TBCE: variants seen among roughly 807,000 people sequenced by gnomAD.
TBCE encodes tubulin folding cofactor E, also known as tubulin-specific chaperone E.
TBCE carries 53 observed loss-of-function variants against 77.0 expected under a neutral mutation model. That is an observed-to-expected ratio of 0.69 (90% CI 0.55 to 0.87). TBCE has a LOEUF of 0.87. TBCE is among the 40% of genes least tolerant of loss of function. TBCE has a pLI of 0.00. For missense variants in TBCE, 624 were observed against 622.4 expected (o/e 1.00, Z -0.03); for synonymous variants, 235 against 241.3 (o/e 0.97, Z 0.24).
intron 3 of TBCE, among the ~76,000 whole-genome samples, chr1:235,411,861 T>TG (rs1409486998): frequency 5.3e-5 from 8 of 151,996 alleles, no homozygotes; most frequent in Non-Finnish European, 1.0e-4. Context: ...CTTTGACCCC[T>TG]GTGCCCCTTC....
intron 8 of TBCE, 39 bp from the exon 9 acceptor site, chr1:235,435,706 A>C: frequency 1.9e-6 from 3 of 1,549,810 alleles, no homozygotes; most frequent in Non-Finnish European, 2.7e-6. Context: ...AACAATTAAG[A>C]GATAAATTCA....
intron 13 of TBCE, among the ~76,000 whole-genome samples, chr1:235,439,805 C>CT (rs886839704): frequency 2.7e-5 from 4 of 150,320 alleles, no homozygotes; most frequent in African/African-American, 4.9e-5. Context: ...ATTTCTTTTT[C>CT]TTTTTTTTTC....
At chr1:235,416,452 G>C (rs943030887) in intron 4 of TBCE, among the ~76,000 whole-genome samples, 1 of 151,872 alleles carries the variant, frequency 6.6e-6, no homozygotes, top group African/African-American at 2.4e-5. Flanking sequence ...CCTGAACCCA[G>C]AAGGTCAAGG....
At chr1:235,395,247 T>C (rs1052970782) in intron 2 of TBCE, among the ~76,000 whole-genome samples, 7 of 152,236 alleles carry the variant, frequency 4.6e-5, no homozygotes, top group African/African-American at 1.7e-4. Context: ...ATAGTAGGTG[T>C]ATATATTTAT....
Position 235,413,335 on chromosome 1 carries a change from G to A in TBCE, c.186-1098G>A, listed in dbSNP as rs183425352. ...ATGGTTGTGTCACTGCACTCTCACC[G>A]AGGTGACAGAGTGAGACCCCCTTTC... On this transcript the variant is annotated intron_variant, in intron 3 of 16. Coordinates refer to ENST00000642610, the MANE Select transcript of TBCE (RefSeq NM_003193.5). Among the ~76,000 whole-genome samples the A allele has an allele frequency of 3.5e-3, 534 of 150,880 alleles. 4 individuals carry two copies. Among genetic ancestry groups the A allele is most frequent in the African/African-American group, 0.012 (512 of 40,984 alleles).
rs1558383372 is a variant in TBCE at position 235,428,987 on chromosome 1, T to TATATA, written c.561-1718_561-1717insATATA. On this transcript the variant is annotated intron_variant, in intron 6 of 16. Transcript: ENST00000642610. ...TATGTGTGTATATATATATATATAT[T>TATATA]TTTTTTTTTTTTTTTTTTGAGACAG... 3.3e-3 allele frequency: 257 copies of TATATA among 78,058 alleles called. 1 individual carries two copies. Among genetic ancestry groups the TATATA allele is most frequent in the African/African-American group, 0.017 (249 of 14,992 alleles). The allele number at this position is 78,058 out of a possible 1,614,324, so 4.8% of individuals were successfully genotyped here.
intron 7 of TBCE, among the ~76,000 whole-genome samples, chr1:235,431,150 G>GT (rs1283829722): frequency 1.3e-5 from 2 of 152,008 alleles, no homozygotes; most frequent in Admixed American, 6.6e-5. Context: ...TTTCCTGTTA[G>GT]TTTTTTTTAG....
In TBCE at chr1:235,367,455, A is replaced by G. The variant is rs903582184; in HGVS notation, c.-81A>G. 6.5e-6 allele frequency: 1 copy of G among 152,820 alleles called. No homozygotes were observed. The highest frequency in any genetic ancestry group is 1.5e-5 in the Non-Finnish European group (1 of 68,188). The allele number at this position is 152,820 out of a possible 1,614,324, so 9.5% of individuals were successfully genotyped here. On this transcript the variant is annotated 5_prime_UTR_variant, in exon 1 of 17. Transcript: ENST00000642610. ...AGAGCCTCAAGCTTCGCTGCTGGGC[A>G]GTTGGCTGGAGGGGCTGCTGCTGGG... is the stretch of plus-strand genomic sequence containing the variant.
intron 4 of TBCE, among the ~76,000 whole-genome samples, chr1:235,417,313 A>G (rs1474241714): frequency 2.6e-5 from 4 of 152,160 alleles, no homozygotes; most frequent in African/African-American, 9.7e-5. Flanking sequence ...TGCAAACTAC[A>G]GTTTGAAGTA....
chr1:235,389,559 C>T (rs566499386), intron 2 of TBCE, among the ~76,000 whole-genome samples: 4 of 152,206 alleles, frequency 2.6e-5, no homozygotes, highest in Non-Finnish European at 5.9e-5. Flanking sequence ...TCTCAAACAC[C>T]TGACCTCATA....
At chr1:235,436,357 G>C in intron 9 of TBCE, 29 bp from the exon 10 acceptor site, 1 of 1,599,678 alleles carries the variant, frequency 6.3e-7, no homozygotes, top group Non-Finnish European at 8.6e-7. Context: ...ATTGTTCTGT[G>C]TAATCAAATT....
At chr1:235,419,361 T>C in intron 4 of TBCE, 112 bp from the exon 5 acceptor site, 1 of 1,469,198 alleles carries the variant, frequency 6.8e-7, no homozygotes, top group Non-Finnish European at 9.4e-7. Context: ...TACTGGTATT[T>C]GTATATTATT....
In TBCE at chr1:235,448,329, CTTT is replaced by C; in HGVS notation, c.1400-18_1400-16del. The stretch of plus-strand genomic sequence containing the variant: ...ACTGTCATTTGAGAGAACGAATGGA[CTTT>C]TCTTGTCTTTTGATAGGCTCCATGA... On this transcript the variant is annotated splice_polypyrimidine_tract_variant and intron_variant, in intron 15 of 16. Coordinates refer to ENST00000642610, the MANE Select transcript of TBCE (RefSeq NM_003193.5). 6.2e-7 allele frequency: 1 copy of C among 1,608,966 alleles called. No individual in the cohort carries two copies. The highest frequency in any genetic ancestry group is 8.5e-7 in the Non-Finnish European group (1 of 1,176,226).
At chr1:235,388,639 G>A (rs1678183204) in intron 2 of TBCE, among the ~76,000 whole-genome samples, 1 of 152,128 alleles carries the variant, frequency 6.6e-6, no homozygotes, top group Non-Finnish European at 1.5e-5. Context: ...CTTGACATAT[G>A]TTGCCAAATT....
At chr1:235,378,788 C>A (rs1677447301) in intron 1 of TBCE, among the ~76,000 whole-genome samples, 3 of 152,012 alleles carry the variant, frequency 2.0e-5, no homozygotes, top group South Asian at 2.1e-4. Flanking sequence ...TTGAACCCAG[C>A]AGGCAGAGGT....
At chr1:235,437,745 G>A (rs1393836736) in intron 12 of TBCE, among the ~76,000 whole-genome samples, 1 of 151,644 alleles carries the variant, frequency 6.6e-6, no homozygotes, top group African/African-American at 2.4e-5. Context: ...ACCTGAGCCC[G>A]GGAGGCCAAG....
chr1:235,388,142 A>G (rs1558352945), intron 2 of TBCE, among the ~76,000 whole-genome samples: 1 of 152,192 alleles, frequency 6.6e-6, no homozygotes, highest in African/African-American at 2.4e-5. Flanking sequence ...GAATATTCCA[A>G]TAACAACCTT....
chr1:235,448,317 A>C (rs367701832), intron 15 of TBCE, 32 bp from the exon 16 acceptor site: 1 of 1,590,896 alleles, frequency 6.3e-7, no homozygotes, highest in East Asian at 2.2e-5. Flanking sequence ...GTCATTTGAG[A>C]GAACGAATGG....
intron 8 of TBCE, among the ~76,000 whole-genome samples, chr1:235,434,728 G>A (rs1048720246): frequency 4.0e-5 from 6 of 151,746 alleles, no homozygotes; most frequent in Admixed American, 3.3e-4. Context: ...AGTAGAGACG[G>A]GGTTTCACCA....
Sources: gnomAD v4.1 joint callset for allele counts (sites outside exome capture counted in the v4.1 genomes callset) on GRCh38, gnomAD v4.1.1 for gene constraint, MANE v1.5 for transcripts, NCBI Gene and HGNC (gene_info 2026-07-23, HGNC 2026-07-21) for gene names.